KCNK10: variants seen among roughly 807,000 people sequenced by gnomAD.
KCNK10 encodes the protein potassium channel subfamily K member 10.
KCNK10 carries 25 observed loss-of-function variants against 47.7 expected under a neutral mutation model. The ratio of observed to expected loss-of-function variants is 0.52; its 90% CI spans 0.38 to 0.73. The LOEUF (loss-of-function observed/expected upper bound fraction) is 0.73, where lower values mean the gene tolerates loss of function less well. Ranked by LOEUF, KCNK10 falls within the 30% of genes least tolerant of loss-of-function variation. The pLI is 0.00. For missense variants in KCNK10, 563 were observed against 714.5 expected (o/e 0.79, Z 2.42); for synonymous variants, 303 against 285.6 (o/e 1.06, Z -0.61).
chr14:88,277,706 G>T (rs1887556359), intron 1 of KCNK10, among the ~76,000 whole-genome samples: 1 of 152,148 alleles, frequency 6.6e-6, no homozygotes, highest in Admixed American at 6.5e-5. Flanking sequence ...TAGGTTTGGG[G>T]AATAAAATGT....
chr14:88,283,410 A>T (rs147920781), intron 1 of KCNK10, among the ~76,000 whole-genome samples: 3 of 152,368 alleles, frequency 2.0e-5, no homozygotes, highest in Non-Finnish European at 4.4e-5. Context: ...ATTTGCCGGT[A>T]GAAAAGACTT....
At chr14:88,225,249 G>C (rs527289880) in intron 4 of KCNK10, among the ~76,000 whole-genome samples, 1 of 152,204 alleles carries the variant, frequency 6.6e-6, no homozygotes, top group Non-Finnish European at 1.5e-5. Flanking sequence ...ATTCCCCCTG[G>C]AATTCGGTCA....
chr14:88,227,733 A>C (rs1419997599), intron 3 of KCNK10, among the ~76,000 whole-genome samples, 198 bp from the exon 4 acceptor site: 3 of 152,186 alleles, frequency 2.0e-5, no homozygotes, highest in Admixed American at 6.5e-5. Flanking sequence ...AACGGTTTTA[A>C]GGTTTCTTGG....
At chr14:88,188,416 T>C (rs556840979) in intron 5 of KCNK10, among the ~76,000 whole-genome samples, 1 of 152,346 alleles carries the variant, frequency 6.6e-6, no homozygotes, top group African/African-American at 2.4e-5. Context: ...TGAATAACTC[T>C]GAACTACAGG....
At chr14:88,221,301 C>CAATAATAAT (rs55913907) in intron 4 of KCNK10, among the ~76,000 whole-genome samples, 31,533 of 143,914 alleles carry the variant, frequency 0.22, 3,771 homozygotes, top group East Asian at 0.44. Flanking sequence ...GACTCTGTCT[C>CAATAATAAT]AATAATAATA....
chr14:88,276,385 G>GC (rs1464613026), intron 1 of KCNK10, among the ~76,000 whole-genome samples: 2 of 151,918 alleles, frequency 1.3e-5, no homozygotes, highest in African/African-American at 4.8e-5. Flanking sequence ...GATCTTCCCA[G>GC]CCTCCAGAAC....
intron 1 of KCNK10, among the ~76,000 whole-genome samples, chr14:88,313,248 G>A (rs1014904497): frequency 6.6e-5 from 10 of 152,172 alleles, no homozygotes; most frequent in African/African-American, 1.9e-4. Flanking sequence ...CTAGCACGTG[G>A]TGCCTATTCA....
intron 1 of KCNK10, among the ~76,000 whole-genome samples, chr14:88,318,779 G>A (rs1888480570): frequency 6.6e-6 from 1 of 152,118 alleles, no homozygotes; most frequent in Non-Finnish European, 1.5e-5. Flanking sequence ...GAAGGGAAGC[G>A]AAACCCAGAA....
At chr14:88,245,648 A>G (rs1330887291) in intron 2 of KCNK10, among the ~76,000 whole-genome samples, 4 of 150,070 alleles carry the variant, frequency 2.7e-5, no homozygotes, top group Non-Finnish European at 2.9e-5. Context: ...CGGTGAGATC[A>G]TCTGTTTCTC....
At chr14:88,315,214 G>A (rs1040321540) in intron 1 of KCNK10, among the ~76,000 whole-genome samples, 2 of 152,142 alleles carry the variant, frequency 1.3e-5, no homozygotes, top group African/African-American at 4.8e-5. Context: ...CTCCCATATG[G>A]CCTCAAATTC....
intron 3 of KCNK10, among the ~76,000 whole-genome samples, chr14:88,237,873 T>C (rs1225979447): frequency 6.6e-6 from 1 of 152,198 alleles, no homozygotes; most frequent in East Asian, 1.9e-4. Flanking sequence ...CAACATAAAG[T>C]CACCAGCTGC....
At chr14:88,259,626 T>G (rs1887052973) in intron 2 of KCNK10, among the ~76,000 whole-genome samples, 1 of 152,078 alleles carries the variant, frequency 6.6e-6, no homozygotes, top group Non-Finnish European at 1.5e-5. Flanking sequence ...CCATCTAATT[T>G]TTGTAACTTT....
At chr14:88,270,260 C>T (rs1349933866) in intron 1 of KCNK10, among the ~76,000 whole-genome samples, 1 of 152,174 alleles carries the variant, frequency 6.6e-6, no homozygotes, top group African/African-American at 2.4e-5. Flanking sequence ...AGGAAGAGGG[C>T]AGGAAAGATG....
Position 88,185,431 on chromosome 14 carries a change from T to C in KCNK10, c.*104A>G, listed in dbSNP as rs752080481. The stretch of plus-strand genomic sequence containing the variant: ...AAATATATTCTTCAATGCTATGTAA[T>C]TTTGGACTAAAAAGTCTGTTTAAGG... On this transcript the variant is annotated 3_prime_UTR_variant, in exon 7 of 7. Transcript: ENST00000319231. This position sits in a 1 kb window ranked among gnomAD's most constrained non-coding sequence, Gnocchi z 4.3. The C allele has an allele frequency of 6.0e-5, 87 of 1,453,718 alleles. No individual in the cohort carries two copies. The highest frequency in any genetic ancestry group is 1.8e-4 in the Middle Eastern group (1 of 5,478). 90.1% of individuals were successfully genotyped at this position (1,453,718 alleles called of 1,614,324 possible).
upstream of KCNK10, chr14:88,323,337 C>A (rs1461555929): frequency 1.0e-6 from 1 of 966,534 alleles, no homozygotes; most frequent in Non-Finnish European, 1.2e-6. Flanking sequence ...CGGCTCCTCG[C>A]CCCCGGCGAC....
At position 88,185,748 on chromosome 14, in the gene KCNK10, G is replaced by T. The variant is rs368641869; in HGVS notation, c.1419C>A (p.Asp473Glu). ...NKDLKKTLPE[D>E]VQKIYKTFRN... The stretch of plus-strand genomic sequence containing the variant: ...GGAAGGTCTTGTAGATTTTCTGAAC[G>T]TCCTCGGGCAAGGTCTTTTTGAGGT... The change falls in exon 7 of 7, where the codon GAC (aspartate) becomes GAA (glutamate). Residue 473 changes from aspartate to glutamate, a missense_variant. By Grantham distance (45) the Asp-to-Glu change is conservative (BLOSUM62 2). Transcript: ENST00000319231. This position sits in a 1 kb window ranked among gnomAD's most constrained non-coding sequence, Gnocchi z 4.3. 6.2e-7 allele frequency: 1 copy of T among 1,614,116 alleles called. No individual in the cohort carries two copies.
At chr14:88,283,749 A>C (rs900199503) in intron 1 of KCNK10, among the ~76,000 whole-genome samples, 8 of 151,996 alleles carry the variant, frequency 5.3e-5, no homozygotes, top group Non-Finnish European at 5.9e-5. Context: ...GTCTCTACCA[A>C]AAATACAAAA....
At chr14:88,254,095 G>T (rs2139907733) in intron 2 of KCNK10, among the ~76,000 whole-genome samples, 1 of 152,148 alleles carries the variant, frequency 6.6e-6, no homozygotes, top group Non-Finnish European at 1.5e-5. Context: ...GCAGATGAAG[G>T]CCCCGGGACT....
chr14:88,231,754 G>T (rs1251829762), intron 3 of KCNK10, among the ~76,000 whole-genome samples: 1 of 152,134 alleles, frequency 6.6e-6, no homozygotes, highest in South Asian at 2.1e-4. Flanking sequence ...CTTCTGGCGT[G>T]GCTACTGGTC....
Sources: gnomAD v4.1 joint callset for allele counts (sites outside exome capture counted in the v4.1 genomes callset) on GRCh38, gnomAD v4.1.1 for gene constraint, Gnocchi (gnomAD v3.1) non-coding constraint, MANE v1.5 for transcripts, NCBI Gene and HGNC (gene_info 2026-07-23, HGNC 2026-07-21) for gene names.